The following JAZF1 variants were observed in gnomAD, a reference collection of about 807,000 sequenced individuals.
JAZF1 encodes the protein JAZF zinc finger 1, also known as juxtaposed with another zinc finger protein 1.
JAZF1 carries 8 observed loss-of-function variants against 26.4 expected under a neutral mutation model. That is an observed-to-expected ratio of 0.30 (90% CI 0.18 to 0.55). JAZF1 has a LOEUF of 0.55. Ranked by LOEUF, JAZF1 falls within the 20% of genes least tolerant of loss-of-function variation. The pLI is 0.94. For missense variants in JAZF1, 199 were observed against 322.0 expected (o/e 0.62, Z 2.92); for synonymous variants, 126 against 122.3 (o/e 1.03, Z -0.20).
rs534931906 is a variant in JAZF1, at chr7:28,016,829, G to A, written c.116-24848C>T. Among the ~76,000 whole-genome samples the A allele has an allele frequency of 4.6e-5, 7 of 152,186 alleles. No individual in the cohort carries two copies. The South Asian group carries it at 6.2e-4, about 14-fold the overall frequency. On this transcript the variant is annotated intron_variant, in intron 1 of 4. Transcript: ENST00000283928. ...TTCTTTCATTCAACCAATATTTATC[G>A]AAGACCTACTATGTGCCAGGTACTG...
chr7:28,005,658 G>A (rs1270257091), intron 1 of JAZF1, among the ~76,000 whole-genome samples: 3 of 152,152 alleles, frequency 2.0e-5, no homozygotes, highest in Admixed American at 2.0e-4. Flanking sequence ...GCTAGCTGGG[G>A]ATTTATCGTT....
chr7:27,913,280 T>C, intron 2 of JAZF1: 1 of 195,878 alleles, frequency 5.1e-6, no homozygotes. Flanking sequence ...TTATATATAT[T>C]ATATATATAT....
At position 28,039,426 on chromosome 7, in the gene JAZF1, C is replaced by G. The variant is rs186106824; in HGVS notation, c.116-47445G>C. Reference sequence around the variant, plus strand: ...GTAACATGTTTTTGCCAATTCTTTTCTATGGTCTAAGATCCAAGAATAAGT... The same window carrying G: ...GTAACATGTTTTTGCCAATTCTTTTGTATGGTCTAAGATCCAAGAATAAGT... On this transcript the variant is annotated intron_variant, in intron 1 of 4. Coordinates refer to ENST00000283928, the MANE Select transcript of JAZF1 (RefSeq NM_175061.4). 1.4e-3 allele frequency among the ~76,000 whole-genome samples: 209 copies of G among 152,258 alleles called. 1 individual carries two copies. Among genetic ancestry groups the G allele is most frequent in the Admixed American group, 1.6e-3 (25 of 15,298 alleles).
chr7:28,019,392 C>A (rs372056002), intron 1 of JAZF1, among the ~76,000 whole-genome samples: 4 of 152,178 alleles, frequency 2.6e-5, no homozygotes, highest in African/African-American at 9.7e-5. Context: ...TGCCCCTTCT[C>A]ATATTCCACC....
At chr7:27,925,823 C>T (rs1187184251) in intron 2 of JAZF1, among the ~76,000 whole-genome samples, 1 of 152,202 alleles carries the variant, frequency 6.6e-6, no homozygotes, top group African/African-American at 2.4e-5. Flanking sequence ...GGCAGCCCCT[C>T]CTACAACTAG....
At chr7:27,895,452 T>C (rs1784045856) in intron 2 of JAZF1, 36 bp from the exon 3 acceptor site, 1 of 1,485,974 alleles carries the variant, frequency 6.7e-7, no homozygotes, top group Admixed American at 2.0e-5. Context: ...ACCTGGGCCA[T>C]GTATAGAGCA....
intron 1 of JAZF1, among the ~76,000 whole-genome samples, chr7:28,013,078 T>C (rs1222260998): frequency 6.6e-6 from 1 of 152,174 alleles, no homozygotes; most frequent in Non-Finnish European, 1.5e-5. Context: ...GGTAGGTTTA[T>C]CAAGTAGCGG....
intron 1 of JAZF1, among the ~76,000 whole-genome samples, chr7:28,096,069 G>T (rs1019405652): frequency 6.6e-6 from 1 of 152,100 alleles, no homozygotes; most frequent in Non-Finnish European, 1.5e-5. Context: ...ATGAAATTTG[G>T]GGGGGGCACA....
chr7:27,858,113 A>G (rs545453585), intron 3 of JAZF1, among the ~76,000 whole-genome samples: 2 of 152,334 alleles, frequency 1.3e-5, no homozygotes, highest in Non-Finnish European at 2.9e-5. Context: ...ATAGACAAAC[A>G]GCCAAATCCC....
chr7:27,939,511 T>C (rs1464423412), intron 2 of JAZF1, among the ~76,000 whole-genome samples: 4 of 152,214 alleles, frequency 2.6e-5, no homozygotes, highest in Admixed American at 2.6e-4. Context: ...GGGGATGAGC[T>C]GTGTGTCCCT....
intron 3 of JAZF1, among the ~76,000 whole-genome samples, chr7:27,851,286 C>G (rs1398722312): frequency 2.0e-5 from 3 of 152,218 alleles, no homozygotes; most frequent in Non-Finnish European, 4.4e-5. Flanking sequence ...ATTACAAACA[C>G]ACTCAAATTT....
At chr7:27,853,359 G>A (rs1264526246) in intron 3 of JAZF1, among the ~76,000 whole-genome samples, 1 of 152,108 alleles carries the variant, frequency 6.6e-6, no homozygotes, top group African/African-American at 2.4e-5. Context: ...TCATCTGTGT[G>A]GATTTTCTCA....
chr7:28,034,909 T>C (rs2128375676), intron 1 of JAZF1, among the ~76,000 whole-genome samples: 1 of 152,276 alleles, frequency 6.6e-6, no homozygotes, highest in East Asian at 1.9e-4. Flanking sequence ...GATTTTTTAC[T>C]ATCCTGTATA....
intron 2 of JAZF1, among the ~76,000 whole-genome samples, chr7:27,955,090 A>G (rs1189952885): frequency 6.6e-6 from 1 of 152,168 alleles, no homozygotes; most frequent in African/African-American, 2.4e-5. Flanking sequence ...CTTCCAACTA[A>G]ATGACAATTA....
At chr7:28,169,296 T>C (rs1231304886) in intron 1 of JAZF1, among the ~76,000 whole-genome samples, 1 of 152,220 alleles carries the variant, frequency 6.6e-6, no homozygotes, top group African/African-American at 2.4e-5. Context: ...GTGGAGCCAA[T>C]ATATAAAAGG....
At chr7:27,967,212 G>A (rs559352349) in intron 2 of JAZF1, among the ~76,000 whole-genome samples, 98 of 152,198 alleles carry the variant, frequency 6.4e-4, no homozygotes, top group African/African-American at 2.1e-3. Context: ...TTTGGGCAGC[G>A]GGTCAAAGCC....
At chr7:28,109,376 A>G (rs1036991542) in intron 1 of JAZF1, among the ~76,000 whole-genome samples, 2 of 152,216 alleles carry the variant, frequency 1.3e-5, no homozygotes, top group African/African-American at 4.8e-5. Flanking sequence ...GCGGGGAAAA[A>G]TAAAATTGAA....
intron 1 of JAZF1, among the ~76,000 whole-genome samples, chr7:28,037,944 G>A (rs1783322011): frequency 6.6e-6 from 1 of 152,174 alleles, no homozygotes; most frequent in Admixed American, 6.5e-5. Context: ...CTAGTCACAT[G>A]TATGCATAAA....
chr7:27,943,934 T>A (rs1392785007), intron 2 of JAZF1, among the ~76,000 whole-genome samples: 2 of 152,244 alleles, frequency 1.3e-5, no homozygotes, highest in African/African-American at 4.8e-5. Flanking sequence ...GTCTGTCTCC[T>A]GATTTTCATA....
Sources: allele counts gnomAD v4.1 joint callset (sites outside exome capture counted in the v4.1 genomes callset), GRCh38; gene constraint gnomAD v4.1.1; transcripts MANE v1.5; gene names NCBI Gene and HGNC (gene_info 2026-07-23, HGNC 2026-07-21).